FHIT: variants seen among roughly 807,000 people sequenced by gnomAD.
The protein encoded by FHIT is bis(5'-adenosyl)-triphosphatase.
Under a neutral mutation model 17.9 loss-of-function variants are expected in FHIT, and 19 were observed. The ratio of observed to expected loss-of-function variants is 1.06; its 90% CI spans 0.74 to 1.56. The LOEUF (loss-of-function observed/expected upper bound fraction) is 1.56, where lower values mean the gene tolerates loss of function less well. Among genes scored for constraint, FHIT ranks in the 40% most tolerant of loss-of-function variants. The pLI, the probability that FHIT is intolerant of heterozygous loss-of-function variation, is 0.00. For missense variants in FHIT, 248 were observed against 189.2 expected (o/e 1.31, Z -1.82); for synonymous variants, 81 against 69.7 (o/e 1.16, Z -0.81).
At chr3:60,494,172 CA>C in intron 5 of FHIT, among the ~76,000 whole-genome samples, 1 of 152,138 alleles carries the variant, frequency 6.6e-6, no homozygotes, top group Non-Finnish European at 1.5e-5. Context: ...TTCATCATCC[CA>C]AAAGAAAACT....
intron 4 of FHIT, among the ~76,000 whole-genome samples, chr3:60,628,680 T>C (rs140174897): frequency 1.5e-3 from 224 of 152,326 alleles, no homozygotes; most frequent in Non-Finnish European, 2.5e-3. Flanking sequence ...GGTTAGCTTG[T>C]AGATTTTATA....
intron 3 of FHIT, among the ~76,000 whole-genome samples, chr3:60,855,201 A>T (rs1559773584): frequency 6.6e-6 from 1 of 152,164 alleles, no homozygotes; most frequent in Non-Finnish European, 1.5e-5. Flanking sequence ...TTAGCCTTAG[A>T]TAATGAATAA....
chr3:60,702,981 A>T (rs1322343941), intron 4 of FHIT, among the ~76,000 whole-genome samples: 2 of 152,130 alleles, frequency 1.3e-5, no homozygotes, highest in Admixed American at 1.3e-4. Context: ...GTCCTCCATA[A>T]TTTATAGTCA....
At chr3:60,142,094 G>A (rs1274086893) in intron 5 of FHIT, among the ~76,000 whole-genome samples, 1 of 152,132 alleles carries the variant, frequency 6.6e-6, no homozygotes, top group African/African-American at 2.4e-5. Flanking sequence ...ATCCATTCCT[G>A]TTATCCTTTT....
intron 3 of FHIT, among the ~76,000 whole-genome samples, chr3:60,915,988 A>C (rs2107291908): frequency 6.6e-6 from 1 of 152,274 alleles, no homozygotes; most frequent in Admixed American, 6.5e-5. Flanking sequence ...ATGTGAACAT[A>C]TACACACATT....
At chr3:61,067,830 C>T (rs1348793649) in intron 2 of FHIT, among the ~76,000 whole-genome samples, 1 of 152,192 alleles carries the variant, frequency 6.6e-6, no homozygotes, top group Non-Finnish European at 1.5e-5. Context: ...TGAGTTAACC[C>T]TTTACTGAAC....
intron 5 of FHIT, among the ~76,000 whole-genome samples, chr3:60,497,542 C>T (rs1449314752): frequency 6.6e-6 from 1 of 152,120 alleles, no homozygotes; most frequent in South Asian, 2.1e-4. Context: ...ACAATATTCT[C>T]ACACTCACGA....
At chr3:60,897,035 C>T (rs891357581) in intron 3 of FHIT, among the ~76,000 whole-genome samples, 2 of 152,124 alleles carry the variant, frequency 1.3e-5, no homozygotes, top group Admixed American at 1.3e-4. Context: ...CTTCTTTCTA[C>T]CTGAAATGCA....
At chr3:60,023,998 A>T (rs972322126) in intron 5 of FHIT, among the ~76,000 whole-genome samples, 16 of 151,582 alleles carry the variant, frequency 1.1e-4, no homozygotes, top group African/African-American at 3.9e-4. Flanking sequence ...TGGTAAAAAA[A>T]AAAAGAATTA....
chr3:59,759,706 C>T (rs1559579285), intron 8 of FHIT, among the ~76,000 whole-genome samples: 1 of 152,134 alleles, frequency 6.6e-6, no homozygotes, highest in Non-Finnish European at 1.5e-5. Context: ...ACCTCCCTGG[C>T]ACTGTCCTTT....
chr3:61,145,186 A>G (rs1027455110), intron 2 of FHIT, among the ~76,000 whole-genome samples: 14 of 152,258 alleles, frequency 9.2e-5, no homozygotes, highest in Middle Eastern at 3.4e-3. Context: ...ATTTAGGTCT[A>G]TGATCCATAT....
At chr3:61,203,437 A>C (rs1284291817) in intron 1 of FHIT, among the ~76,000 whole-genome samples, 1 of 149,728 alleles carries the variant, frequency 6.7e-6, no homozygotes, top group African/African-American at 2.5e-5. Flanking sequence ...AACATTTTTC[A>C]AAAAAAAAAT....
intron 7 of FHIT, among the ~76,000 whole-genome samples, chr3:60,001,834 G>T (rs553210685): frequency 8.5e-5 from 13 of 152,192 alleles, no homozygotes; most frequent in Admixed American, 2.0e-4. Flanking sequence ...AAATTATACT[G>T]CTAGAACCTG....
At chr3:60,668,061 CT>C (rs1553692906) in intron 4 of FHIT, among the ~76,000 whole-genome samples, 1 of 151,948 alleles carries the variant, frequency 6.6e-6, no homozygotes, top group African/African-American at 2.4e-5. Flanking sequence ...GAATTGGCCA[CT>C]TTTTGTGGTT....
intron 4 of FHIT, among the ~76,000 whole-genome samples, chr3:60,733,221 C>G (rs2107992639): frequency 6.6e-6 from 1 of 152,326 alleles, no homozygotes; most frequent in South Asian, 2.1e-4. Flanking sequence ...GCAATCGCTA[C>G]TCCCTCTCAG....
chr3:61,076,113 T>C (rs1173079163), intron 2 of FHIT, among the ~76,000 whole-genome samples: 1 of 152,154 alleles, frequency 6.6e-6, no homozygotes, highest in Non-Finnish European at 1.5e-5. Flanking sequence ...AGATGAAAGA[T>C]CTGAGATTTA....
chr3:60,168,932 C>T (rs1453745935), intron 5 of FHIT, among the ~76,000 whole-genome samples: 1 of 152,172 alleles, frequency 6.6e-6, no homozygotes, highest in Admixed American at 6.5e-5. Flanking sequence ...ACCTGAAACA[C>T]TAACTTGACA....
intron 2 of FHIT, among the ~76,000 whole-genome samples, chr3:61,063,842 T>C (rs1371355019): frequency 6.6e-6 from 1 of 152,234 alleles, no homozygotes; most frequent in African/African-American, 2.4e-5. Context: ...AAAATGTTTC[T>C]ATTTCCAAAT....
At chr3:60,398,028 C>T (rs1701518026) in intron 5 of FHIT, among the ~76,000 whole-genome samples, 1 of 152,126 alleles carries the variant, frequency 6.6e-6, no homozygotes, top group Non-Finnish European at 1.5e-5. Flanking sequence ...CACATCCCCT[C>T]TTTGCTGAGA....
Sources: gnomAD v4.1 joint callset for allele counts (sites outside exome capture counted in the v4.1 genomes callset) on GRCh38, gnomAD v4.1.1 for gene constraint, MANE v1.5 for transcripts, NCBI Gene and HGNC (gene_info 2026-07-23, HGNC 2026-07-21) for gene names.